Variants in SLC30A6 observed in about 807,000 individuals in gnomAD.
The protein encoded by SLC30A6 is zinc transporter 6.
In SLC30A6, 55 loss-of-function variants were observed where a neutral mutation model predicts 63.0. The ratio of observed to expected loss-of-function variants is 0.87; its 90% CI spans 0.70 to 1.09. SLC30A6 has a LOEUF of 1.09. Ranked by LOEUF, SLC30A6 falls within the 50% of genes least tolerant of loss-of-function variation. The pLI is 0.00. For missense variants in SLC30A6, 587 were observed against 549.2 expected (o/e 1.07, Z -0.69); for synonymous variants, 224 against 186.1 (o/e 1.20, Z -1.66).
intron 10 of SLC30A6, chr2:32,201,567 A>C: frequency 7.8e-7 from 1 of 1,277,248 alleles, no homozygotes; most frequent in Non-Finnish European, 1.1e-6. Flanking sequence ...GGTTGTGGCC[A>C]CTGTGCCCGG....
chr2:32,166,715 A>G (rs1195633859), intron 1 of SLC30A6, among the ~76,000 whole-genome samples: 2 of 152,222 alleles, frequency 1.3e-5, no homozygotes, highest in Non-Finnish European at 2.9e-5. Context: ...AAGAGACCAC[A>G]TTTCTGTGCC....
intron 4 of SLC30A6, among the ~76,000 whole-genome samples, chr2:32,179,660 C>G (rs1033847841): frequency 6.6e-6 from 1 of 151,856 alleles, no homozygotes; most frequent in African/African-American, 2.4e-5. Context: ...GTTTTGAGGT[C>G]CTAATGAGGG....
At chr2:32,171,462 A>C (rs752766021) in intron 2 of SLC30A6, 89 bp downstream of exon 2, 7 of 948,338 alleles carry the variant, frequency 7.4e-6, no homozygotes, top group South Asian at 1.5e-5. Flanking sequence ...AATAGAAATC[A>C]CTCCTGATCC....
chr2:32,215,500 T>TTATATA (rs71407429), intron 13 of SLC30A6, among the ~76,000 whole-genome samples: 13 of 134,360 alleles, frequency 9.7e-5, no homozygotes, highest in African/African-American at 2.9e-4. Context: ...TGGCCATCTA[T>TTATATA]TATATATATA....
intron 5 of SLC30A6, among the ~76,000 whole-genome samples, chr2:32,188,975 A>G (rs947378209): frequency 2.0e-5 from 3 of 152,178 alleles, no homozygotes; most frequent in African/African-American, 7.2e-5. Flanking sequence ...TTGCTCTCAT[A>G]TTCCATTATA....
intron 13 of SLC30A6, among the ~76,000 whole-genome samples, chr2:32,216,613 T>C (rs1311328269): frequency 6.6e-6 from 1 of 151,624 alleles, no homozygotes; most frequent in Admixed American, 6.6e-5. Flanking sequence ...TTCTGAGTAG[T>C]GTAGGATGGT....
chr2:32,218,953 T>C (rs1685933971), intron 13 of SLC30A6, among the ~76,000 whole-genome samples: 1 of 152,256 alleles, frequency 6.6e-6, no homozygotes, highest in South Asian at 2.1e-4. Flanking sequence ...ATTATTTATT[T>C]CTGTTAGGTT....
chr2:32,184,040 G>A (rs1265832373), intron 4 of SLC30A6, among the ~76,000 whole-genome samples: 1 of 152,050 alleles, frequency 6.6e-6, no homozygotes, highest in African/African-American at 2.4e-5. Flanking sequence ...ACTTTATTCT[G>A]TTCCTTCACA....
At position 32,184,325 on chromosome 2, in the gene SLC30A6, G is replaced by A; in HGVS notation, c.271G>A (p.Val91Ile). The change falls in exon 5 of 14, where the codon GTC becomes ATC. Residue 91 changes from valine (V) to isoleucine (I), a missense_variant. Transcript: ENST00000282587. ...YWVTLRKPSP[V>I]YSFGFERLEV... ...GGTAACATTGAGGAAACCTAGCCCTGTCTATTCATTTGGGTAAGTTCAAAT... is the reference window on the plus strand; with the variant it reads ...GGTAACATTGAGGAAACCTAGCCCTATCTATTCATTTGGGTAAGTTCAAAT... 2.7e-6 allele frequency: 4 copies of A among 1,501,336 alleles called. No homozygotes were observed. The highest frequency in any genetic ancestry group is 3.6e-6 in the Non-Finnish European group (4 of 1,116,064). 93.0% of individuals were successfully genotyped at this position (1,501,336 alleles called of 1,614,324 possible). A position where few individuals can be genotyped will look rare whatever the true frequency, so the allele number is the denominator to read the frequency against.
intron 13 of SLC30A6, among the ~76,000 whole-genome samples, chr2:32,212,583 C>CTTTTTTTTTTTTTTTT (rs1193348947): frequency 2.4e-5 from 2 of 83,022 alleles, no homozygotes; most frequent in Non-Finnish European, 4.8e-5. Flanking sequence ...CCATTTTTAC[C>CTTTTTTTTTTTTTTTT]TTTTTTTTTT....
chr2:32,219,475 C>G (rs1042371992), intron 13 of SLC30A6, among the ~76,000 whole-genome samples: 1 of 151,970 alleles, frequency 6.6e-6, no homozygotes, highest in East Asian at 1.9e-4. Context: ...CACTCTGTCA[C>G]TCAGGCTGGA....
intron 13 of SLC30A6, among the ~76,000 whole-genome samples, chr2:32,216,002 A>G (rs1273728256): frequency 4.6e-5 from 7 of 152,188 alleles, no homozygotes; most frequent in Admixed American, 4.6e-4. Flanking sequence ...TGCTGTGTGA[A>G]TAGTGCTGCA....
At chr2:32,193,695 G>A (rs1221953195) in intron 7 of SLC30A6, among the ~76,000 whole-genome samples, 194 bp from the exon 8 acceptor site, 4 of 152,118 alleles carry the variant, frequency 2.6e-5, no homozygotes, top group South Asian at 4.1e-4. Context: ...CTTATCCTTT[G>A]TAAGATGGAG....
At chr2:32,215,517 T>TATATATA (rs1553339788) in intron 13 of SLC30A6, among the ~76,000 whole-genome samples, 19 of 89,412 alleles carry the variant, frequency 2.1e-4, no homozygotes, top group African/African-American at 4.4e-4. Context: ...TATATATATA[T>TATATATA]TTTTTTTTTT....
Position 32,197,359 on chromosome 2 carries a change from G to A in SLC30A6, c.512G>A (p.Trp171Ter). 1.2e-6 allele frequency: 2 copies of A among 1,613,548 alleles called. No individual in the cohort carries two copies. Among genetic ancestry groups the A allele is most frequent in the African/African-American group, 1.3e-5 (1 of 74,976 alleles). The change falls in exon 9 of 14, where the codon TGG (tryptophan) becomes TAG (stop). Residue 171 changes from tryptophan (W) to a stop codon, truncating the protein, a stop_gained. Transcript: ENST00000282587. LOFTEE classifies it high-confidence loss of function. ...AYVSEAASTSWLQEHVADLSR... is the reference protein window; with the variant it reads ...AYVSEAASTS Reference sequence around the variant, plus strand: ...CTTCTTAAAGCTGCTAGTACGAGCTGGCTTCAAGAGCATGTTGCAGATCTT... The same window carrying A: ...CTTCTTAAAGCTGCTAGTACGAGCTAGCTTCAAGAGCATGTTGCAGATCTT...
rs780420872 is a variant in SLC30A6, at chr2:32,206,942, G to C, written c.816+9G>C. The C allele has an allele frequency of 1.3e-6, 2 of 1,597,174 alleles. No homozygotes were observed. On this transcript the variant is annotated intron_variant, in intron 12 of 13. Coordinates refer to ENST00000282587, the MANE Select transcript of SLC30A6 (RefSeq NM_017964.5). The stretch of plus-strand genomic sequence containing the variant: ...ACAAACTCATCAGAGAGGTAAGATG[G>C]AATAGTAAATAAAATCATTTTATTT...
chr2:32,206,021 G>A (rs138791450), intron 11 of SLC30A6, among the ~76,000 whole-genome samples: 33 of 152,098 alleles, frequency 2.2e-4, no homozygotes, highest in Admixed American at 8.5e-4. Flanking sequence ...TTTGGCTTTT[G>A]TGTAATCTGC....
At chr2:32,218,520 C>CTTTTGTTTTGTTTTGTTTTG (rs57425197) in intron 13 of SLC30A6, among the ~76,000 whole-genome samples, 27 of 143,210 alleles carry the variant, frequency 1.9e-4, no homozygotes, top group Admixed American at 1.6e-3. Context: ...CAGCTCTCCT[C>CTTTTGTTTTGTTTTGTTTTG]TTTTGTTTTG....
At chr2:32,168,357 T>C (rs1019109837) in intron 1 of SLC30A6, among the ~76,000 whole-genome samples, 1 of 150,624 alleles carries the variant, frequency 6.6e-6, no homozygotes, top group African/African-American at 2.4e-5. Context: ...AATAAAATAT[T>C]GAGAAAAAGG....
Sources: gnomAD v4.1 joint callset for allele counts (sites outside exome capture counted in the v4.1 genomes callset) on GRCh38, gnomAD v4.1.1 for gene constraint, MANE v1.5 for transcripts, NCBI Gene and HGNC (gene_info 2026-07-23, HGNC 2026-07-21) for gene names.